Variants in TGFBR1 observed in about 807,000 individuals in gnomAD.
TGFBR1 encodes TGF-beta receptor type-1.
Under a neutral mutation model 55.1 loss-of-function variants are expected in TGFBR1, and 20 were observed. The ratio of observed to expected loss-of-function variants is 0.36; its 90% CI spans 0.26 to 0.53. TGFBR1 has a LOEUF of 0.53. TGFBR1 is among the 20% of genes least tolerant of loss of function. The pLI is 0.91. For missense variants in TGFBR1, 385 were observed against 617.6 expected, an observed-to-expected ratio of 0.62 and a Z score of 3.99; for synonymous variants, 220 against 214.8, an observed-to-expected ratio of 1.02 and a Z score of -0.21.
chr9:99,117,122 T>C (rs1314708697), intron 1 of TGFBR1, among the ~76,000 whole-genome samples: 1 of 152,080 alleles, frequency 6.6e-6, no homozygotes, highest in Non-Finnish European at 1.5e-5. Flanking sequence ...AGTCTCACTG[T>C]TGTCACCCAG....
At chr9:99,138,703 G>C (rs755773344) in intron 4 of TGFBR1, among the ~76,000 whole-genome samples, 126 of 152,348 alleles carry the variant, frequency 8.3e-4, no homozygotes, top group Non-Finnish European at 1.4e-3. Flanking sequence ...AAGCCTGTCA[G>C]CAGGGAGTCA....
chr9:99,123,840 A>G (rs1315099151), intron 1 of TGFBR1, among the ~76,000 whole-genome samples: 1 of 152,186 alleles, frequency 6.6e-6, no homozygotes, highest in Non-Finnish European at 1.5e-5. Flanking sequence ...CATTGGCACA[A>G]TGCCATTTAT....
At chr9:99,140,370 C>A (rs1827575361) in intron 4 of TGFBR1, among the ~76,000 whole-genome samples, 1 of 152,026 alleles carries the variant, frequency 6.6e-6, no homozygotes, top group Admixed American at 6.5e-5. Context: ...CAGAGAATTG[C>A]TTGAACCTGG....
At position 99,137,984 on chromosome 9, in the gene TGFBR1, T is replaced by G. The variant is rs1060502046; in HGVS notation, c.700T>G (p.Phe234Val). 6.2e-7 allele frequency: 1 copy of G among 1,614,088 alleles called. No individual in the cohort carries two copies. Among genetic ancestry groups the G allele is most frequent in the Non-Finnish European group, 8.5e-7 (1 of 1,179,970 alleles). Reference sequence around the variant, plus strand: ...GGGAGAAGAAGTTGCTGTTAAGATATTCTCCTCTAGAGAAGAACGTTCGTG... The same window carrying G: ...GGGAGAAGAAGTTGCTGTTAAGATAGTCTCCTCTAGAGAAGAACGTTCGTG... ...WRGEEVAVKIFSSREERSWFR... is the reference protein window; with the variant it reads ...WRGEEVAVKIVSSREERSWFR... The change falls in exon 4 of 9, where the codon TTC (phenylalanine) becomes GTC (valine). Residue 234 changes from phenylalanine (F) to valine (V), a missense_variant. Phe to Val is a conservative substitution (Grantham distance 50, BLOSUM62 -1). This residue lies in a region of TGFBR1 where 85 missense variants were observed against 228.4 expected (regional missense o/e 0.37). Transcript: ENST00000374994.
At chr9:99,142,457 G>A in intron 4 of TGFBR1, 79 bp from the exon 5 acceptor site, 1 of 1,496,478 alleles carries the variant, frequency 6.7e-7, no homozygotes, top group Non-Finnish European at 9.3e-7. Flanking sequence ...TCAGGATTGA[G>A]AGTAAAAAGT....
intron 1 of TGFBR1, among the ~76,000 whole-genome samples, chr9:99,111,295 CTTTTTTTTTTTTTTTTTT>C (rs3034196): frequency 1.8e-5 from 1 of 55,154 alleles, no homozygotes; most frequent in Non-Finnish European, 3.3e-5. Context: ...TGCACCCATG[CTTTTTTTTTTTTTTTTTT>C]TTTTTTTTTT....
At chr9:99,106,057 G>A (rs1184394766) in intron 1 of TGFBR1, among the ~76,000 whole-genome samples, 1 of 152,250 alleles carries the variant, frequency 6.6e-6, no homozygotes, top group Non-Finnish European at 1.5e-5. Flanking sequence ...AGACGGCTAC[G>A]GATTGTTTTC....
intron 1 of TGFBR1, among the ~76,000 whole-genome samples, chr9:99,127,261 A>G (rs1041615897): frequency 3.3e-5 from 5 of 152,220 alleles, no homozygotes; most frequent in Admixed American, 1.3e-4. Context: ...GACAGCATGC[A>G]CGAAGTTGTC....
chr9:99,140,065 T>C (rs1310512850), intron 4 of TGFBR1, among the ~76,000 whole-genome samples: 1 of 152,212 alleles, frequency 6.6e-6, no homozygotes, highest in Non-Finnish European at 1.5e-5. Flanking sequence ...TGTGGAGGTG[T>C]ATAGTGTTTG....
rs1827373743 is a variant in TGFBR1, at chr9:99,134,805, TATATATATATATATATATATATATATA to T, written c.574+2067_574+2093del. Among the ~76,000 whole-genome samples the T allele has an allele frequency of 6.3e-4, 20 of 31,796 alleles. 1 individual carries two copies. Among genetic ancestry groups the T allele is most frequent in the East Asian group, 5.2e-3 (8 of 1,532 alleles). The allele number at this position is 31,796 out of a possible 152,430, so 20.9% of individuals were successfully genotyped here. A position where few individuals can be genotyped will look rare whatever the true frequency, so the allele number is the denominator to read the frequency against. The stretch of plus-strand genomic sequence containing the variant: ...CAATGGAATAATTCTGTTTCCATTA[TATATATATATATATATATATATATATA>T]TATATATATATATATATATATTTCT... On this transcript the variant is annotated intron_variant, in intron 3 of 8. Coordinates refer to ENST00000374994, the MANE Select transcript of TGFBR1 (RefSeq NM_004612.4).
Position 99,144,859 on chromosome 9 carries a change from T to C in TGFBR1, c.1101T>C (p.Ile367=). 6.2e-7 allele frequency: 1 copy of C among 1,614,020 alleles called. No homozygotes were observed. The highest frequency in any genetic ancestry group is 8.5e-7 in the Non-Finnish European group (1 of 1,179,920). ...ATTCAGCCACAGATACCATTGATAT[T>C]GCTCCAAACCACAGAGTGGGAACAA... ...RHDSATDTID[I]APNHRVGTKR... The change falls in exon 6 of 9, where the codon ATT becomes ATC. Residue 367 remains isoleucine, a synonymous_variant. Coordinates refer to ENST00000374994, the MANE Select transcript of TGFBR1 (RefSeq NM_004612.4).
intron 5 of TGFBR1, 112 bp downstream of exon 5, chr9:99,142,815 T>C: frequency 1.6e-6 from 2 of 1,264,108 alleles, no homozygotes; most frequent in Non-Finnish European, 2.3e-6. Flanking sequence ...TCCCAGCACT[T>C]TGGGAGGCTG....
chr9:99,131,626 C>T (rs1827226870), intron 2 of TGFBR1, among the ~76,000 whole-genome samples: 1 of 144,402 alleles, frequency 6.9e-6, no homozygotes, highest in South Asian at 2.2e-4. Flanking sequence ...TATATATATG[C>T]AAACTCTGTT....
intron 4 of TGFBR1, among the ~76,000 whole-genome samples, chr9:99,141,765 T>C (rs1294032414): frequency 6.6e-6 from 1 of 152,222 alleles, no homozygotes; most frequent in African/African-American, 2.4e-5. Context: ...CAGTCTAGCT[T>C]AGGAGCCTAG....
chr9:99,114,421 A>G (rs1826673349), intron 1 of TGFBR1, among the ~76,000 whole-genome samples: 1 of 152,214 alleles, frequency 6.6e-6, no homozygotes, highest in Non-Finnish European at 1.5e-5. Flanking sequence ...CACCTTCCTT[A>G]ATAAAGTGGA....
chr9:99,142,513 G>A (rs200592980), intron 4 of TGFBR1, 23 bp from the exon 5 acceptor site: 29 of 1,613,684 alleles, frequency 1.8e-5, no homozygotes, highest in East Asian at 8.9e-5. Context: ...CAGCCCAACC[G>A]AAATGTTAAT....
At chr9:99,141,439 A>AT (rs1281460005) in intron 4 of TGFBR1, among the ~76,000 whole-genome samples, 1 of 152,048 alleles carries the variant, frequency 6.6e-6, no homozygotes, top group Non-Finnish European at 1.5e-5. Flanking sequence ...GTCAATATGG[A>AT]TTTTTTCTTT....
At position 99,105,120 on chromosome 9, in the gene TGFBR1, A is replaced by G. The variant is rs1826363354; in HGVS notation, c.-86A>G. 4.1e-6 allele frequency: 4 copies of G among 965,146 alleles called. No individual in the cohort carries two copies. Among genetic ancestry groups the G allele is most frequent in the Non-Finnish European group, 5.0e-6 (4 of 796,380 alleles). The allele number at this position is 965,146 out of a possible 1,614,324, so 59.8% of individuals were successfully genotyped here. Reference sequence around the variant, plus strand: ...CCGGAGCGAGGCCGCCGCGGCGGCTAGGGAGGTGGGGCGAGGCGAGGTTTG... The same window carrying G: ...CCGGAGCGAGGCCGCCGCGGCGGCTGGGGAGGTGGGGCGAGGCGAGGTTTG... On this transcript the variant is annotated 5_prime_UTR_variant, in exon 1 of 9. Coordinates refer to ENST00000374994, the MANE Select transcript of TGFBR1 (RefSeq NM_004612.4).
intron 1 of TGFBR1, among the ~76,000 whole-genome samples, chr9:99,113,224 T>G (rs184517243): frequency 1.3e-5 from 2 of 152,336 alleles, no homozygotes; most frequent in East Asian, 3.9e-4. Flanking sequence ...GGAGTGTGGT[T>G]CTTGGCTGAG....
Sources: allele counts gnomAD v4.1 joint callset (sites outside exome capture counted in the v4.1 genomes callset), GRCh38; gene constraint gnomAD v4.1.1; regional missense constraint gnomAD v4.1.1; transcripts MANE v1.5; gene names NCBI Gene and HGNC (gene_info 2026-07-23, HGNC 2026-07-21).